LMO7: variants seen among roughly 807,000 people sequenced by gnomAD.
LMO7 encodes LIM domain only protein 7.
In LMO7, 120 loss-of-function variants were observed where a neutral mutation model predicts 206.5. That is an observed-to-expected ratio of 0.58 (90% confidence interval 0.50 to 0.68). The LOEUF is 0.68. Among genes scored for constraint, LMO7 ranks in the 30% least tolerant of loss-of-function variants. The probability of loss-of-function intolerance (pLI) is 0.00; values close to 1 mark genes in which losing one functional copy is unlikely to be tolerated. For synonymous variants in LMO7, 706 were observed against 681.5 expected, an observed-to-expected ratio of 1.04 and a Z score of -0.56; for missense variants, 1,959 against 1,957.9, an observed-to-expected ratio of 1.00 and a Z score of -0.01.
At chr13:75,850,013 G>C (rs1391792126) in intron 27 of LMO7, among the ~76,000 whole-genome samples, 1 of 152,154 alleles carries the variant, frequency 6.6e-6, no homozygotes, top group East Asian at 1.9e-4. Context: ...AGCTACCCAG[G>C]AGGCTGAGGC....
chr13:75,676,417 G>A (rs1485919970), intron 1 of LMO7, among the ~76,000 whole-genome samples: 4 of 152,116 alleles, frequency 2.6e-5, no homozygotes, highest in African/African-American at 9.7e-5. Context: ...CTCCAAGCCG[G>A]CTCCTTTACA....
intron 3 of LMO7, among the ~76,000 whole-genome samples, chr13:75,732,445 G>T (rs1034003778): frequency 6.6e-6 from 1 of 152,072 alleles, no homozygotes; most frequent in East Asian, 1.9e-4. Flanking sequence ...CGTTCGTCAC[G>T]TAGTTCTCGA....
At chr13:75,683,872 A>C (rs2040758525) in intron 1 of LMO7, among the ~76,000 whole-genome samples, 1 of 152,242 alleles carries the variant, frequency 6.6e-6, no homozygotes. Context: ...ATTATTATCA[A>C]TAAAAAGGAA....
chr13:75,856,852 G>C (rs371085273), intron 30 of LMO7: 26 of 368,154 alleles, frequency 7.1e-5, no homozygotes, highest in East Asian at 5.3e-4. Context: ...CCAAAAGTCA[G>C]GATGGTGTCT....
intron 15 of LMO7, 123 bp downstream of exon 15, chr13:75,823,996 T>C (rs1389862085): frequency 3.9e-6 from 3 of 759,750 alleles, no homozygotes; most frequent in Non-Finnish European, 6.5e-6. Flanking sequence ...CAAAATGATA[T>C]TCTGGTTTAC....
intron 4 of LMO7, among the ~76,000 whole-genome samples, chr13:75,780,431 A>G (rs1156396084): frequency 1.3e-5 from 2 of 152,212 alleles, no homozygotes; most frequent in South Asian, 2.1e-4. Context: ...TTTTGGAAGA[A>G]GAGAAATATG....
At chr13:75,730,420 G>C (rs566358328) in intron 3 of LMO7, among the ~76,000 whole-genome samples, 7 of 143,368 alleles carry the variant, frequency 4.9e-5, no homozygotes, top group African/African-American at 1.7e-4. Flanking sequence ...TTGCGTAGAG[G>C]GTTTTGTAGT....
rs1054282686 is a variant in LMO7, at chr13:75,724,105, G to T, written c.141-2924G>T. 3.9e-5 allele frequency among the ~76,000 whole-genome samples: 6 copies of T among 152,062 alleles called. No individual in the cohort carries two copies. The East Asian group carries it at 7.7e-4, about 20-fold the overall frequency. On this transcript the variant is annotated intron_variant, in intron 2 of 30. Transcript: ENST00000377534. ...ACCTCCTAGTACTGTTACTTTCAGG[G>T]TTAGGATTTCAAAGTATGAGGTTTG...
chr13:75,824,833 A>G (rs991851062), intron 15 of LMO7, among the ~76,000 whole-genome samples: 30 of 152,122 alleles, frequency 2.0e-4, no homozygotes, highest in African/African-American at 6.5e-4. Context: ...GTGTGTGTAT[A>G]TATATTTATA....
chr13:75,621,843 C>A, exon 1 of LMO7: 1 of 1,603,666 alleles, frequency 6.2e-7, no homozygotes. Context: ...GGCTGTATCT[C>A]AGGGACAGAG....
At chr13:75,727,124 T>C (rs375045231) in intron 3 of LMO7, 26 bp downstream of exon 3, 70 of 1,387,774 alleles carry the variant, frequency 5.0e-5, no homozygotes, top group Middle Eastern at 1.8e-4. Flanking sequence ...TCTTCACAAC[T>C]AAATTTATTT....
intron 26 of LMO7, among the ~76,000 whole-genome samples, chr13:75,847,546 G>C (rs17065132): frequency 0.036 from 5,553 of 152,274 alleles, 131 homozygotes; most frequent in Non-Finnish European, 0.052. Context: ...TGCACACTTG[G>C]GTCATGTCAG....
intron 4 of LMO7, among the ~76,000 whole-genome samples, chr13:75,794,273 C>T (rs901098161): frequency 3.3e-5 from 5 of 152,052 alleles, no homozygotes; most frequent in African/African-American, 1.2e-4. Flanking sequence ...TTTACATTTC[C>T]ATCAGTAGTG....
Position 75,808,031 on chromosome 13 carries a change from A to G in LMO7, c.1748A>G (p.Gln583Arg). Reference protein sequence around the residue: ...SCRILVPSYRQKKDDMLTRKI... With the variant: ...SCRILVPSYRRKKDDMLTRKI... Reference sequence around the variant, plus strand: ...AGAATATTAGTTCCTTCATATCGGCAGAAGAAAGATGACATGCTGACACGT... The same window carrying G: ...AGAATATTAGTTCCTTCATATCGGCGGAAGAAAGATGACATGCTGACACGT... The change falls in exon 10 of 31, where the codon CAG becomes CGG. Residue 583 changes from glutamine to arginine, a missense_variant. Transcript: ENST00000377534. 1 of 1,614,004 alleles carries G rather than the reference A, an allele frequency of 6.2e-7. No homozygotes were observed. Among genetic ancestry groups the G allele is most frequent in the Non-Finnish European group, 8.5e-7 (1 of 1,179,888 alleles).
chr13:75,799,778 C>T (rs1378233293), intron 6 of LMO7, among the ~76,000 whole-genome samples: 1 of 152,134 alleles, frequency 6.6e-6, no homozygotes, highest in East Asian at 1.9e-4. Flanking sequence ...ACGAGATATT[C>T]ATGATTACTG....
intron 1 of LMO7, among the ~76,000 whole-genome samples, chr13:75,694,268 C>T (rs918247091): frequency 2.6e-5 from 4 of 152,056 alleles, no homozygotes; most frequent in African/African-American, 9.7e-5. Context: ...TTGGGGCTGA[C>T]AGGGGAAAGA....
chr13:75,840,871 A>G (rs2059505904), intron 22 of LMO7, among the ~76,000 whole-genome samples: 1 of 152,162 alleles, frequency 6.6e-6, no homozygotes, highest in African/African-American at 2.4e-5. Context: ...AGCCATGGTA[A>G]AGGGTGGATG....
intron 1 of LMO7, among the ~76,000 whole-genome samples, chr13:75,685,606 A>G (rs1030673941): frequency 2.2e-5 from 3 of 138,336 alleles, no homozygotes; most frequent in Non-Finnish European, 4.7e-5. Context: ...CTCATTGTTT[A>G]TACCAAAATG....
intron 3 of LMO7, among the ~76,000 whole-genome samples, chr13:75,745,828 A>G (rs1389817129): frequency 1.3e-5 from 2 of 152,222 alleles, no homozygotes; most frequent in Non-Finnish European, 2.9e-5. Context: ...CTTTCCAGAC[A>G]GGAACTCACA....
Sources: allele counts gnomAD v4.1 joint callset (sites outside exome capture counted in the v4.1 genomes callset), GRCh38; gene constraint gnomAD v4.1.1; transcripts MANE v1.5; gene names NCBI Gene and HGNC (gene_info 2026-07-23, HGNC 2026-07-21).